PTPN6: variants seen among roughly 807,000 people sequenced by gnomAD.
PTPN6 encodes the protein protein tyrosine phosphatase non-receptor type 6.
Under a neutral mutation model 81.5 loss-of-function variants are expected in PTPN6, and 18 were observed. The observed-to-expected ratio is 0.22, with a 90% CI of 0.15 to 0.33. The LOEUF is 0.33. Among genes scored for constraint, PTPN6 ranks in the 10% least tolerant of loss-of-function variants. The pLI, the probability that PTPN6 is intolerant of heterozygous loss-of-function variation, is 1.00. For missense variants in PTPN6, 500 were observed against 794.2 expected (o/e 0.63, Z 4.45); for synonymous variants, 301 against 310.9 (o/e 0.97, Z 0.33).
chr12:6,957,273 G>A lies in PTPN6; in HGVS notation c.1075-381G>A, dbSNP rs1194073164. ...CTCCAGGACCTAGAGGGAGAATTAC[G>A]TCTTTCCCAGCCACGCTCCTCAGCG... On this transcript the variant is annotated intron_variant, in intron 9 of 15. Coordinates refer to ENST00000318974, the MANE Select transcript of PTPN6 (RefSeq NM_002831.6). The surrounding 1 kb of genome is among the most constrained non-coding windows in gnomAD (Gnocchi z 6.5). Among the ~76,000 whole-genome samples, 3 of 152,178 alleles carry A rather than the reference G, an allele frequency of 2.0e-5. No homozygotes were observed. Among genetic ancestry groups the A allele is most frequent in the South Asian group, 2.1e-4 (1 of 4,830 alleles).
rs1591683354 is a variant in PTPN6 at position 6,951,412 on chromosome 12, T to C, written c.-101T>C. Reference sequence around the variant, plus strand: ...CGGGGGTGGTGAGGCGGCCCGGCACTGGGAGCTGCATCTGAGGCTTAGTCC... The same window carrying C: ...CGGGGGTGGTGAGGCGGCCCGGCACCGGGAGCTGCATCTGAGGCTTAGTCC... On this transcript the variant is annotated 5_prime_UTR_variant, in exon 1 of 16. Transcript: ENST00000318974. This position sits in a 1 kb window ranked among gnomAD's most constrained non-coding sequence, Gnocchi z 7.2. The C allele has an allele frequency of 6.4e-6, 10 of 1,559,226 alleles. No homozygotes were observed. The highest frequency in any genetic ancestry group is 8.7e-6 in the Non-Finnish European group (10 of 1,152,472).
upstream of PTPN6, among the ~76,000 whole-genome samples, chr12:6,947,942 G>A (rs1279759198): frequency 6.6e-6 from 1 of 152,176 alleles, no homozygotes; most frequent in Non-Finnish European, 1.5e-5. Flanking sequence ...CCCTAGTGGA[G>A]CGGAGGCAGG....
At chr12:6,958,189 A>AC in intron 11 of PTPN6, 116 bp downstream of exon 11, 1 of 1,404,858 alleles carries the variant, frequency 7.1e-7, no homozygotes, top group Admixed American at 1.9e-5. Flanking sequence ...CCCTCCGCTC[A>AC]CCCCCGGCTT....
In PTPN6 at chr12:6,955,793, G is replaced by A. The variant is rs782561505; in HGVS notation, c.844+37G>A. ...GGCTGCCCCATTCACCCAGGATACC[G>A]CCCCTGCCCCAGCTGCCTCCCCTCA... On this transcript the variant is annotated intron_variant, in intron 7 of 15. Coordinates refer to ENST00000318974, the MANE Select transcript of PTPN6 (RefSeq NM_002831.6). The surrounding 1 kb of genome is among the most constrained non-coding windows in gnomAD (Gnocchi z 7.2). 7.0e-6 allele frequency: 11 copies of A among 1,582,606 alleles called. No individual in the cohort carries two copies. Among genetic ancestry groups the A allele is most frequent in the South Asian group, 2.2e-5 (2 of 90,450 alleles).
chr12:6,948,281 TAATA>T (rs1945860841), upstream of PTPN6, among the ~76,000 whole-genome samples: 1 of 151,664 alleles, frequency 6.6e-6, no homozygotes, highest in Non-Finnish European at 1.5e-5. Context: ...CTACTACTAC[TAATA>T]AATAGCTGGA....
chr12:6,960,860 A>G lies in PTPN6; in HGVS notation c.1728A>G (p.Lys576=). The G allele has an allele frequency of 6.3e-7, 1 of 1,581,972 alleles. No individual in the cohort carries two copies. Among genetic ancestry groups the G allele is most frequent in the Admixed American group, 1.8e-5 (1 of 55,146 alleles). Residue 576 remains lysine (K), a synonymous_variant, in exon 15 of 16, where the codon AAA becomes AAG. Coordinates refer to ENST00000318974, the MANE Select transcript of PTPN6 (RefSeq NM_002831.6). This position sits in a 1 kb window ranked among gnomAD's most constrained non-coding sequence, Gnocchi z 6.1. ...NLHTKNKREE[K]VKKQRSADKE... is the part of the protein sequence containing the mutation. ...ACACTAAGAACAAGAGGGAGGAGAA[A>G]GTGAAGAAGCAGCGGTCAGCAGACA...
Position 6,951,788 on chromosome 12 carries a change from C to T in PTPN6, c.131+57C>T, listed in dbSNP as rs901443682. ...TGGCCACTCTCTTGTGCCATCCAGG[C>T]CCTGAACCACTCATTCCTGGTTCCC... On this transcript the variant is annotated intron_variant, in intron 2 of 15. Transcript: ENST00000318974. This position sits in a 1 kb window ranked among gnomAD's most constrained non-coding sequence, Gnocchi z 7.2. The T allele has an allele frequency of 6.2e-7, 1 of 1,603,646 alleles. No homozygotes were observed. The highest frequency in any genetic ancestry group is 8.5e-7 in the Non-Finnish European group (1 of 1,179,668).
chr12:6,960,451 T>C lies in PTPN6; in HGVS notation c.1673+16T>C, dbSNP rs1946117208. ...CCTCGTCCAAGTGAGTGGCCCTGACTGCCACTGCCCGGCATCCACCCCTTT... is the reference window on the plus strand; with the variant it reads ...CCTCGTCCAAGTGAGTGGCCCTGACCGCCACTGCCCGGCATCCACCCCTTT... On this transcript the variant is annotated intron_variant, in intron 14 of 15. Coordinates refer to ENST00000318974, the MANE Select transcript of PTPN6 (RefSeq NM_002831.6). The surrounding 1 kb of genome is among the most constrained non-coding windows in gnomAD (Gnocchi z 6.1). 1.2e-6 allele frequency: 2 copies of C among 1,609,732 alleles called. No individual in the cohort carries two copies. The highest frequency in any genetic ancestry group is 2.7e-5 in the African/African-American group (2 of 74,818).
chr12:6,948,549 GAA>G (rs782752351), upstream of PTPN6, among the ~76,000 whole-genome samples: 122 of 142,924 alleles, frequency 8.5e-4, no homozygotes, highest in Admixed American at 2.9e-3. Flanking sequence ...AGGAAGGAAA[GAA>G]AGAAAAGAAA....
upstream of PTPN6, among the ~76,000 whole-genome samples, chr12:6,948,017 G>C (rs144336669): frequency 8.1e-4 from 124 of 152,192 alleles, no homozygotes; most frequent in African/African-American, 2.7e-3. Flanking sequence ...GAGATGAGGT[G>C]GCGCACGTCT....
Position 6,960,164 on chromosome 12 carries a change from G to A in PTPN6, c.1506G>A (p.Glu502=). The A allele has an allele frequency of 6.2e-7, 1 of 1,613,646 alleles. No individual in the cohort carries two copies. The highest frequency in any genetic ancestry group is 8.5e-7 in the Non-Finnish European group (1 of 1,179,998). The change falls in exon 13 of 16, where the codon GAG becomes GAA. Residue 502 remains glutamate, a synonymous_variant. Coordinates refer to ENST00000318974, the MANE Select transcript of PTPN6 (RefSeq NM_002831.6). This position sits in a 1 kb window ranked among gnomAD's most constrained non-coding sequence, Gnocchi z 6.1. ...AGCGCTCGGGCATGGTGCAGACGGA[G>A]GCGCAGTACAAGTTCATCTACGTGG... is the stretch of plus-strand genomic sequence containing the variant. ...RAQRSGMVQT[E]AQYKFIYVAI... is the part of the protein sequence containing the mutation.
chr12:6,957,617 C>T lies in PTPN6; in HGVS notation c.1075-37C>T. 6.2e-7 allele frequency: 1 copy of T among 1,607,538 alleles called. No homozygotes were observed. The highest frequency in any genetic ancestry group is 8.5e-7 in the Non-Finnish European group (1 of 1,177,384). On this transcript the variant is annotated intron_variant, in intron 9 of 15. Coordinates refer to ENST00000318974, the MANE Select transcript of PTPN6 (RefSeq NM_002831.6). The surrounding 1 kb of genome is among the most constrained non-coding windows in gnomAD (Gnocchi z 6.5). ...ACCTGGGATGGGCCACAGTGCCCTG[C>T]TCTGTGCCTCATCCCCACCCGACCC...
chr12:6,960,971 T>TCCCTG lies in PTPN6; in HGVS notation c.*25+37_*25+41dup, dbSNP rs1277157109. 18 of 1,551,962 alleles carry TCCCTG rather than the reference T, an allele frequency of 1.2e-5. No homozygotes were observed. Among genetic ancestry groups the TCCCTG allele is most frequent in the Admixed American group, 2.0e-5 (1 of 51,086 alleles). ...GTACAGCTCTTCTGCCTGGGTGTCCTCCCTGCCCTGCCCTGTGTCCTTGGC... is the reference window on the plus strand; with the variant it reads ...GTACAGCTCTTCTGCCTGGGTGTCCTCCCTGCCCTGCCCTGCCCTGTGTCCTTGGC... On this transcript the variant is annotated intron_variant, in intron 15 of 15. Coordinates refer to ENST00000318974, the MANE Select transcript of PTPN6 (RefSeq NM_002831.6). This position sits in a 1 kb window ranked among gnomAD's most constrained non-coding sequence, Gnocchi z 6.1.
chr12:6,959,778 C>T lies in PTPN6; in HGVS notation c.1362-149C>T. ...GCAGAGCTGGGCAAACCTCCATCAT[C>T]ACTTGCCCGGTGACCCTGGGCACAT... On this transcript the variant is annotated intron_variant, in intron 11 of 15. Coordinates refer to ENST00000318974, the MANE Select transcript of PTPN6 (RefSeq NM_002831.6). The surrounding 1 kb of genome is among the most constrained non-coding windows in gnomAD (Gnocchi z 6.6). 2.4e-6 allele frequency: 2 copies of T among 832,602 alleles called. No individual in the cohort carries two copies. The highest frequency in any genetic ancestry group is 2.9e-5 in the South Asian group (2 of 68,902). 51.6% of individuals were successfully genotyped at this position (832,602 alleles called of 1,614,324 possible).
rs781783816 is a variant in PTPN6, at chr12:6,957,562, C to T, written c.1075-92C>T. 1.6e-4 allele frequency: 245 copies of T among 1,490,136 alleles called. No homozygotes were observed. Among genetic ancestry groups the T allele is most frequent in the Admixed American group, 2.4e-4 (13 of 53,776 alleles). The allele number at this position is 1,490,136 out of a possible 1,614,324, so 92.3% of individuals were successfully genotyped here. On this transcript the variant is annotated intron_variant, in intron 9 of 15. Coordinates refer to ENST00000318974, the MANE Select transcript of PTPN6 (RefSeq NM_002831.6). The surrounding 1 kb of genome is among the most constrained non-coding windows in gnomAD (Gnocchi z 6.5). ...CCGTCCATCCAACAAATGTTTGGGCCGGTGCCAGGCACTCAGAACATAGAG... is the reference window on the plus strand; with the variant it reads ...CCGTCCATCCAACAAATGTTTGGGCTGGTGCCAGGCACTCAGAACATAGAG...
At position 6,957,815 on chromosome 12, in the gene PTPN6, C is replaced by G. The variant is rs782308438; in HGVS notation, c.1206+30C>G. ...GTGGCCCCCACGCCCTGCCCCATTC[C>G]GGGAGTCCCTCCCTGGACTTGTTCT... On this transcript the variant is annotated intron_variant, in intron 10 of 15. Coordinates refer to ENST00000318974, the MANE Select transcript of PTPN6 (RefSeq NM_002831.6). This position sits in a 1 kb window ranked among gnomAD's most constrained non-coding sequence, Gnocchi z 6.5. 1 of 1,613,972 alleles carries G rather than the reference C, an allele frequency of 6.2e-7. No homozygotes were observed. The highest frequency in any genetic ancestry group is 8.5e-7 in the Non-Finnish European group (1 of 1,180,020).
At chr12:6,948,123 T>TA (rs141975483), upstream of PTPN6, among the ~76,000 whole-genome samples, 528 of 150,468 alleles carry the variant, frequency 3.5e-3, 2 homozygotes, top group African/African-American at 0.012. Context: ...CCATCTCTAT[T>TA]AAAAAAAAAT....
In PTPN6 at chr12:6,959,761, G is replaced by C. The variant is rs782023506; in HGVS notation, c.1362-166G>C. ...AGGTGGAGCGTGTCCATGCAGAGCT[G>C]GGCAAACCTCCATCATCACTTGCCC... On this transcript the variant is annotated intron_variant, in intron 11 of 15. Transcript: ENST00000318974. The surrounding 1 kb of genome is among the most constrained non-coding windows in gnomAD (Gnocchi z 6.6). 1.2e-4 allele frequency: 89 copies of C among 747,714 alleles called. No individual in the cohort carries two copies. In the African/African-American group the frequency reaches 1.2e-3, roughly 10 times the overall value. 46.3% of individuals were successfully genotyped at this position (747,714 alleles called of 1,614,324 possible). A position where few individuals can be genotyped will look rare whatever the true frequency, so the allele number is the denominator to read the frequency against.
chr12:6,960,127 T>C lies in PTPN6; in HGVS notation c.1469T>C (p.Met490Thr). 3.7e-6 allele frequency: 6 copies of C among 1,613,774 alleles called. No homozygotes were observed. The highest frequency in any genetic ancestry group is 5.1e-6 in the Non-Finnish European group (6 of 1,180,008). Reference sequence around the variant, plus strand: ...ATTGACATCCAGAAGACCATCCAGATGGTGCGGGCGCAGCGCTCGGGCATG... The same window carrying C: ...ATTGACATCCAGAAGACCATCCAGACGGTGCGGGCGCAGCGCTCGGGCATG... ...CDIDIQKTIQ[M>T]VRAQRSGMVQ... Residue 490 changes from methionine to threonine, a missense_variant, in exon 13 of 16, where the codon ATG becomes ACG. Coordinates refer to ENST00000318974, the MANE Select transcript of PTPN6 (RefSeq NM_002831.6). The surrounding 1 kb of genome is among the most constrained non-coding windows in gnomAD (Gnocchi z 6.1).
Sources: allele counts gnomAD v4.1 joint callset (sites outside exome capture counted in the v4.1 genomes callset), GRCh38; gene constraint gnomAD v4.1.1; non-coding constraint Gnocchi (gnomAD v3.1); transcripts MANE v1.5; gene names NCBI Gene and HGNC (gene_info 2026-07-23, HGNC 2026-07-21).